ADK: variants seen among roughly 807,000 people sequenced by gnomAD.
ADK encodes N6,N6-dimethyladenosine kinase.
In ADK, 24 loss-of-function variants were observed where a neutral mutation model predicts 44.7. The ratio of observed to expected loss-of-function variants is 0.54; its 90% confidence interval spans 0.39 to 0.76. The LOEUF (loss-of-function observed/expected upper bound fraction) is 0.76. ADK is among the 30% of genes least tolerant of loss of function. ADK has a pLI of 0.00. For missense variants in ADK, 321 were observed against 425.1 expected (o/e 0.76, Z 2.15); for synonymous variants, 128 against 142.6 (o/e 0.90, Z 0.73).
intron 7 of ADK, among the ~76,000 whole-genome samples, chr10:74,566,023 TATTA>T (rs2133833629): frequency 6.6e-6 from 1 of 152,202 alleles, no homozygotes; most frequent in South Asian, 2.1e-4. Flanking sequence ...TTTATTGTGG[TATTA>T]ATTCTAAATC....
chr10:74,601,482 C>T (rs1589287525), intron 9 of ADK, among the ~76,000 whole-genome samples: 5 of 151,876 alleles, frequency 3.3e-5, no homozygotes, highest in African/African-American at 2.4e-5. Flanking sequence ...TCAGAATGGT[C>T]AAAAGCAAGA....
intron 6 of ADK, among the ~76,000 whole-genome samples, chr10:74,442,132 G>GA (rs964567894): frequency 1.1e-4 from 16 of 147,884 alleles, no homozygotes; most frequent in South Asian, 2.1e-4. Flanking sequence ...TTTAAAAAAA[G>GA]AAAAAAAAAA....
At chr10:74,451,295 CA>C in intron 6 of ADK, among the ~76,000 whole-genome samples, 1 of 151,798 alleles carries the variant, frequency 6.6e-6, no homozygotes, top group Non-Finnish European at 1.5e-5. Context: ...GAAAGATAAA[CA>C]TTGCCTTGTT....
chr10:74,579,814 C>T (rs1315652646), intron 7 of ADK, among the ~76,000 whole-genome samples: 1 of 152,116 alleles, frequency 6.6e-6, no homozygotes, highest in Non-Finnish European at 1.5e-5. Flanking sequence ...TACTTAGGGA[C>T]AGGGATAAAG....
At chr10:74,206,218 C>T (rs1843591989) in intron 2 of ADK, among the ~76,000 whole-genome samples, 1 of 152,082 alleles carries the variant, frequency 6.6e-6, no homozygotes, top group Admixed American at 6.5e-5. Context: ...AAATGTAGAA[C>T]ATTTTATATG....
chr10:74,656,322 C>T (rs1854487555), intron 9 of ADK, among the ~76,000 whole-genome samples: 1 of 152,228 alleles, frequency 6.6e-6, no homozygotes, highest in Non-Finnish European at 1.5e-5. Context: ...TACCTTCCCA[C>T]AGTGTGAAGA....
intron 3 of ADK, among the ~76,000 whole-genome samples, chr10:74,281,679 TTAGC>T (rs531350465): frequency 4.0e-4 from 61 of 152,214 alleles, no homozygotes; most frequent in Non-Finnish European, 7.3e-4. Flanking sequence ...AACTATTATT[TTAGC>T]TAGCTAAGAA....
chr10:74,239,416 G>A (rs971626797), intron 3 of ADK, among the ~76,000 whole-genome samples: 2 of 152,068 alleles, frequency 1.3e-5, no homozygotes, highest in African/African-American at 2.4e-5. Context: ...AGTCAACCTT[G>A]TAGAAAGAAT....
intron 5 of ADK, among the ~76,000 whole-genome samples, chr10:74,396,275 T>G (rs2132839743): frequency 6.6e-6 from 1 of 152,248 alleles, no homozygotes; most frequent in East Asian, 1.9e-4. Context: ...GGTCACACCT[T>G]GTAATCCTAA....
At chr10:74,182,069 C>T (rs1316395401) in intron 1 of ADK, among the ~76,000 whole-genome samples, 1 of 152,114 alleles carries the variant, frequency 6.6e-6, no homozygotes, top group Non-Finnish European at 1.5e-5. Flanking sequence ...ACACTCGAAA[C>T]TTTTTGAGGT....
intron 6 of ADK, among the ~76,000 whole-genome samples, chr10:74,451,492 A>G (rs557910011): frequency 7.6e-4 from 116 of 152,270 alleles, no homozygotes; most frequent in Non-Finnish European, 1.5e-3. Context: ...TAATGATGAA[A>G]GATGAGAATA....
At chr10:74,352,963 G>C (rs575425452) in intron 4 of ADK, among the ~76,000 whole-genome samples, 1 of 152,342 alleles carries the variant, frequency 6.6e-6, no homozygotes, top group African/African-American at 2.4e-5. Flanking sequence ...TACACTGTTG[G>C]TGGGAGTGTA....
intron 4 of ADK, among the ~76,000 whole-genome samples, chr10:74,369,305 A>G (rs944203757): frequency 1.3e-5 from 2 of 152,228 alleles, no homozygotes; most frequent in African/African-American, 2.4e-5. Flanking sequence ...GCAATGAGCC[A>G]TGATTGTGCC....
Position 74,672,356 on chromosome 10 carries a change from C to T in ADK, c.964+2087C>T, listed in dbSNP as rs1309715740. ...TCCTAGCTCTCCAGCTGTACAAAAACATACCATAGGCCAGAGTTGGCCTAC... is the reference window on the plus strand; with the variant it reads ...TCCTAGCTCTCCAGCTGTACAAAAATATACCATAGGCCAGAGTTGGCCTAC... On this transcript the variant is annotated intron_variant, in intron 10 of 10. Coordinates refer to ENST00000539909, the MANE Select transcript of ADK (RefSeq NM_006721.4). Among the ~76,000 whole-genome samples the T allele has an allele frequency of 2.0e-5, 3 of 152,306 alleles. No individual in the cohort carries two copies. The East Asian group carries it at 5.8e-4, about 29-fold the overall frequency.
At chr10:74,583,703 A>G (rs988710970) in intron 7 of ADK, among the ~76,000 whole-genome samples, 1 of 152,126 alleles carries the variant, frequency 6.6e-6, no homozygotes, top group Admixed American at 6.5e-5. Context: ...GTTTTTATTA[A>G]CATAATTTGA....
intron 7 of ADK, among the ~76,000 whole-genome samples, chr10:74,583,751 T>TA (rs1851444493): frequency 6.6e-6 from 1 of 152,230 alleles, no homozygotes; most frequent in African/African-American, 2.4e-5. Flanking sequence ...TAACCTCATG[T>TA]ATAAAATGTG....
intron 4 of ADK, among the ~76,000 whole-genome samples, chr10:74,368,934 C>G (rs1842577419): frequency 6.6e-6 from 1 of 152,200 alleles, no homozygotes; most frequent in African/African-American, 2.4e-5. Flanking sequence ...CTGCCTCTGT[C>G]TGAAATATTC....
intron 4 of ADK, among the ~76,000 whole-genome samples, chr10:74,363,603 C>T (rs1426230646): frequency 6.6e-6 from 1 of 151,266 alleles, no homozygotes; most frequent in Non-Finnish European, 1.5e-5. Context: ...CTGGTCTGAG[C>T]ATGCATCTCA....
chr10:74,258,296 A>G (rs913921721), intron 3 of ADK, among the ~76,000 whole-genome samples: 6 of 152,292 alleles, frequency 3.9e-5, no homozygotes, highest in Admixed American at 1.3e-4. Flanking sequence ...TAAAAGGTCA[A>G]TATTAATAAT....
Sources: allele counts gnomAD v4.1 joint callset (sites outside exome capture counted in the v4.1 genomes callset), GRCh38; gene constraint gnomAD v4.1.1; transcripts MANE v1.5; gene names NCBI Gene and HGNC (gene_info 2026-07-23, HGNC 2026-07-21).